The following SHANK2 variants were observed in gnomAD, a reference collection of about 807,000 sequenced individuals.
The protein encoded by SHANK2 is SH3 and multiple ankyrin repeat domains protein 2.
Under a neutral mutation model 133.7 loss-of-function variants are expected in SHANK2, and 43 were observed. The ratio of observed to expected loss-of-function variants is 0.32; its 90% CI spans 0.25 to 0.41. SHANK2 has a LOEUF of 0.41. Ranked by LOEUF, SHANK2 falls within the 10% of genes least tolerant of loss-of-function variation. The pLI is 1.00. For missense variants in SHANK2, 1,994 were observed against 2,235.8 expected (o/e 0.89, Z 2.18); for synonymous variants, 1,017 against 952.8 (o/e 1.07, Z -1.24).
At chr11:71,069,520 C>T (rs1245870252) in intron 9 of SHANK2, among the ~76,000 whole-genome samples, 2 of 152,224 alleles carry the variant, frequency 1.3e-5, no homozygotes, top group African/African-American at 2.4e-5. Flanking sequence ...ACCACTAACA[C>T]CACTGCTATC....
chr11:70,845,044 C>G (rs1295189173), intron 11 of SHANK2, among the ~76,000 whole-genome samples: 3 of 151,316 alleles, frequency 2.0e-5, no homozygotes, highest in Admixed American at 6.6e-5. Context: ...ACTAAAAATA[C>G]AAAAATTAGC....
chr11:71,082,952 C>T (rs1014888779), intron 8 of SHANK2, among the ~76,000 whole-genome samples: 3 of 149,250 alleles, frequency 2.0e-5, no homozygotes, highest in Admixed American at 6.7e-5. Context: ...CGCCCCCCCC[C>T]CAACCCTTCT....
At chr11:70,586,445 G>A (rs1258961219) in intron 17 of SHANK2, among the ~76,000 whole-genome samples, 4 of 152,166 alleles carry the variant, frequency 2.6e-5, no homozygotes, top group Non-Finnish European at 2.9e-5. Flanking sequence ...CTCTTAAGGC[G>A]TGGCCGGGGC....
In SHANK2 at chr11:70,593,303, CATTTAACAGTGA is replaced by C. The variant is rs143891562; in HGVS notation, c.2061+66513_2061+66524del. The stretch of plus-strand genomic sequence containing the variant: ...ACAGCCTGTTTTTAAATGAATGTTG[CATTTAACAGTGA>C]ATGAAGGTAGGATATAGTAATTAAA... On this transcript the variant is annotated intron_variant, in intron 17 of 25. Coordinates refer to ENST00000601538, the MANE Select transcript of SHANK2 (RefSeq NM_012309.5). Among the ~76,000 whole-genome samples the C allele has an allele frequency of 1.4e-3, 217 of 152,340 alleles. 1 individual carries two copies. Among genetic ancestry groups the C allele is most frequent in the African/African-American group, 5.0e-3 (207 of 41,576 alleles).
chr11:70,643,728 T>C lies in SHANK2; in HGVS notation c.2061+16100A>G, dbSNP rs552337713. On this transcript the variant is annotated intron_variant, in intron 17 of 25. Coordinates refer to ENST00000601538, the MANE Select transcript of SHANK2 (RefSeq NM_012309.5). ...TTGGCATTGTTTTTGGTCATTTGAATGAGGGTTGAGCTCCTGCCATGTGCT... is the reference window on the plus strand; with the variant it reads ...TTGGCATTGTTTTTGGTCATTTGAACGAGGGTTGAGCTCCTGCCATGTGCT... Among the ~76,000 whole-genome samples, 11 of 152,292 alleles carry C rather than the reference T, an allele frequency of 7.2e-5. No homozygotes were observed. In the South Asian group the frequency reaches 2.1e-3, roughly 29 times the overall value.
At chr11:70,499,380 T>C (rs1262707711) in intron 21 of SHANK2, among the ~76,000 whole-genome samples, 2 of 152,212 alleles carry the variant, frequency 1.3e-5, no homozygotes, top group African/African-American at 4.8e-5. Flanking sequence ...GATCTTCTGA[T>C]GCCACCCTGG....
At chr11:70,498,831 C>G (rs2059009223) in intron 21 of SHANK2, among the ~76,000 whole-genome samples, 1 of 152,158 alleles carries the variant, frequency 6.6e-6, no homozygotes, top group Admixed American at 6.5e-5. Context: ...GGATCAAATC[C>G]ATGGTGTTTC....
intron 14 of SHANK2, among the ~76,000 whole-genome samples, chr11:70,758,522 C>T (rs1946922343): frequency 6.6e-6 from 1 of 152,220 alleles, no homozygotes; most frequent in Non-Finnish European, 1.5e-5. Flanking sequence ...CCTAATCGAG[C>T]TGAATAGAGC....
chr11:70,868,226 A>G (rs1378447792), intron 11 of SHANK2, among the ~76,000 whole-genome samples: 4 of 152,304 alleles, frequency 2.6e-5, no homozygotes, highest in Admixed American at 2.6e-4. Context: ...GGTGGGTCGC[A>G]TAGACACAGA....
chr11:70,885,159 T>G (rs1555073170), intron 11 of SHANK2, among the ~76,000 whole-genome samples: 1 of 150,944 alleles, frequency 6.6e-6, no homozygotes, highest in Non-Finnish European at 1.5e-5. Flanking sequence ...GGGAACAAAG[T>G]CATCTCCCGT....
chr11:70,786,347 G>C (rs1423233438), intron 14 of SHANK2, among the ~76,000 whole-genome samples: 1 of 152,166 alleles, frequency 6.6e-6, no homozygotes, highest in Non-Finnish European at 1.5e-5. Flanking sequence ...GGTGAGGGCA[G>C]AGCAGGAGTG....
intron 9 of SHANK2, among the ~76,000 whole-genome samples, chr11:71,069,156 G>T (rs945982421): frequency 9.0e-5 from 11 of 122,710 alleles, no homozygotes; most frequent in African/African-American, 3.5e-4. Context: ...CTATCACCAT[G>T]ACCACCCTCA....
At chr11:70,548,240 C>T (rs1801040011) in intron 17 of SHANK2, among the ~76,000 whole-genome samples, 1 of 152,252 alleles carries the variant, frequency 6.6e-6, no homozygotes, top group South Asian at 2.1e-4. Context: ...GAAATAGATG[C>T]TTCCAGTTTT....
chr11:71,134,041 G>A (rs189219597), intron 3 of SHANK2, among the ~76,000 whole-genome samples: 124 of 151,110 alleles, frequency 8.2e-4, no homozygotes, highest in African/African-American at 2.8e-3. Flanking sequence ...GGCTACATTC[G>A]TGGATAAAAG....
At chr11:70,858,033 G>C (rs1448139838) in intron 11 of SHANK2, among the ~76,000 whole-genome samples, 3 of 152,154 alleles carry the variant, frequency 2.0e-5, no homozygotes, top group Admixed American at 6.5e-5. Context: ...TTTGGAGAGG[G>C]AATTATTCAG....
intron 2 of SHANK2, among the ~76,000 whole-genome samples, chr11:71,200,120 T>G (rs1258190761): frequency 6.6e-6 from 1 of 152,184 alleles, no homozygotes; most frequent in Non-Finnish European, 1.5e-5. Flanking sequence ...CCTAAACCCA[T>G]TAGCAGCCAC....
chr11:70,729,002 C>T (rs559590900), intron 14 of SHANK2, among the ~76,000 whole-genome samples: 3 of 151,984 alleles, frequency 2.0e-5, no homozygotes, highest in African/African-American at 4.8e-5. Flanking sequence ...CTCAGGAGTT[C>T]GAGACCAGCC....
intron 11 of SHANK2, among the ~76,000 whole-genome samples, chr11:70,870,032 C>T (rs1555069872): frequency 1.3e-5 from 2 of 152,132 alleles, no homozygotes; most frequent in Non-Finnish European, 2.9e-5. Flanking sequence ...GTCATTGCCT[C>T]CTTGCAGATG....
intron 11 of SHANK2, among the ~76,000 whole-genome samples, chr11:70,828,481 T>A (rs549803640): frequency 6.6e-6 from 1 of 152,250 alleles, no homozygotes; most frequent in South Asian, 2.1e-4. Flanking sequence ...GAGCCACCAG[T>A]GTGTCCCACA....
Sources: gnomAD v4.1 joint callset for allele counts (sites outside exome capture counted in the v4.1 genomes callset) on GRCh38, gnomAD v4.1.1 for gene constraint, MANE v1.5 for transcripts, NCBI Gene and HGNC (gene_info 2026-07-23, HGNC 2026-07-21) for gene names.